The following CADPS variants were observed in gnomAD, a reference collection of about 807,000 sequenced individuals.
CADPS encodes the protein calcium dependent secretion activator, also known as calcium-dependent secretion activator 1.
CADPS carries 57 observed loss-of-function variants against 167.3 expected under a neutral mutation model. That is an observed-to-expected ratio of 0.34 (90% CI 0.28 to 0.42). CADPS has a LOEUF of 0.42. Ranked by LOEUF, CADPS falls within the 20% of genes least tolerant of loss-of-function variation. The pLI is 1.00. For synonymous variants in CADPS, 676 were observed against 635.3 expected (o/e 1.06, Z -0.96); for missense variants, 1,414 against 1,738.1 (o/e 0.81, Z 3.32).
chr3:62,702,737 T>A (rs1258302695), intron 3 of CADPS, among the ~76,000 whole-genome samples: 2 of 152,150 alleles, frequency 1.3e-5, no homozygotes, highest in Non-Finnish European at 2.9e-5. Context: ...TATGGAACAG[T>A]TGAAATGTGG....
chr3:62,585,352 G>C (rs1280751318), intron 7 of CADPS, 28 bp from the exon 8 acceptor site: 2 of 1,590,374 alleles, frequency 1.3e-6, no homozygotes, highest in Non-Finnish European at 8.5e-7. Context: ...CAAGCAACTA[G>C]AAAAGAGAAG....
intron 28 of CADPS, among the ~76,000 whole-genome samples, chr3:62,406,638 A>G (rs1198969578): frequency 6.6e-6 from 1 of 152,210 alleles, no homozygotes; most frequent in Non-Finnish European, 1.5e-5. Flanking sequence ...ATTAATTTGA[A>G]ACTTGCTAAA....
intron 13 of CADPS, among the ~76,000 whole-genome samples, chr3:62,527,630 A>T (rs2072628365): frequency 6.6e-6 from 1 of 152,178 alleles, no homozygotes; most frequent in Non-Finnish European, 1.5e-5. Context: ...TTTCACGGAG[A>T]TGGTGCACAA....
intron 4 of CADPS, among the ~76,000 whole-genome samples, chr3:62,657,679 C>T (rs953359699): frequency 6.6e-6 from 1 of 152,108 alleles, no homozygotes; most frequent in African/African-American, 2.4e-5. Flanking sequence ...ACAGTGAGAC[C>T]ATCTCTGTCT....
intron 9 of CADPS, among the ~76,000 whole-genome samples, chr3:62,569,123 G>A (rs143932065): frequency 2.2e-3 from 337 of 152,148 alleles, no homozygotes; most frequent in Middle Eastern, 0.017. Context: ...TTTTGGAGAC[G>A]GAGTTTTGCT....
chr3:62,814,321 T>G (rs2094515427), intron 1 of CADPS: 1 of 152,140 alleles, frequency 6.6e-6, no homozygotes, highest in African/African-American at 2.4e-5. Context: ...GGTGAAATTT[T>G]CATAATATGT....
chr3:62,734,027 T>C (rs2078480648), intron 3 of CADPS, among the ~76,000 whole-genome samples: 4 of 152,216 alleles, frequency 2.6e-5, no homozygotes, highest in Non-Finnish European at 5.9e-5. Context: ...TTTCTTTATC[T>C]ACTTGTTGGT....
Position 62,827,702 on chromosome 3 carries a change from G to C in CADPS, c.441+46887C>G, listed in dbSNP as rs564546057. Among the ~76,000 whole-genome samples, 3 of 152,270 alleles carry C rather than the reference G, an allele frequency of 2.0e-5. No homozygotes were observed. In the South Asian group the frequency reaches 6.2e-4, roughly 32 times the overall value. Reference sequence around the variant, plus strand: ...GGGGTTTCCAGAGTTGGGAGAACCAGAAGCCCTTAATGAATCAAAACAACC... The same window carrying C: ...GGGGTTTCCAGAGTTGGGAGAACCACAAGCCCTTAATGAATCAAAACAACC... On this transcript the variant is annotated intron_variant, in intron 1 of 29. Coordinates refer to ENST00000383710, the MANE Select transcript of CADPS (RefSeq NM_003716.4).
intron 3 of CADPS, among the ~76,000 whole-genome samples, chr3:62,733,509 C>T (rs1309544267): frequency 1.3e-5 from 2 of 152,160 alleles, no homozygotes; most frequent in African/African-American, 4.8e-5. Context: ...GTACATTTTT[C>T]TCCTGAGGTC....
chr3:62,838,358 G>A lies in CADPS; in HGVS notation c.441+36231C>T, dbSNP rs9848933. 9.6e-3 allele frequency among the ~76,000 whole-genome samples: 1,459 copies of A among 152,310 alleles called. 18 individuals are homozygous for A. Among genetic ancestry groups the A allele is most frequent in the East Asian group, 0.04 (205 of 5,178 alleles). ...TTTAGCAGTCAAAGTCAGGAGGCAG[G>A]AGGGAATGAGTATAAGCCATATGAT... On this transcript the variant is annotated intron_variant, in intron 1 of 29. Coordinates refer to ENST00000383710, the MANE Select transcript of CADPS (RefSeq NM_003716.4).
intron 3 of CADPS, among the ~76,000 whole-genome samples, chr3:62,745,840 G>T (rs2081332299): frequency 6.6e-6 from 1 of 152,210 alleles, no homozygotes; most frequent in African/African-American, 2.4e-5. Context: ...ATTGTGCTAA[G>T]TGTTGGCTGT....
In CADPS at chr3:62,557,469, T is replaced by A; in HGVS notation, c.1689A>T (p.Lys563Asn). ...ATTGTAGAAGTTCCTGAGGCTCCGCTTTCTTCTCCCGATAACTGCACATGG... is the reference window on the plus strand; with the variant it reads ...ATTGTAGAAGTTCCTGAGGCTCCGCATTCTTCTCCCGATAACTGCACATGG... ...TFAMCSYREK[K>N]AEPQELLQLD... is the part of the protein sequence containing the mutation. Residue 563 changes from lysine to asparagine, a missense_variant, in exon 10 of 30, where the codon AAA (lysine) becomes AAT (asparagine). By Grantham distance (94) the Lys-to-Asn change is moderately conservative. Coordinates refer to ENST00000383710, the MANE Select transcript of CADPS (RefSeq NM_003716.4). 2 of 1,614,118 alleles carry A rather than the reference T, an allele frequency of 1.2e-6. No individual in the cohort carries two copies. Among genetic ancestry groups the A allele is most frequent in the Non-Finnish European group, 1.7e-6 (2 of 1,179,990 alleles).
intron 7 of CADPS, among the ~76,000 whole-genome samples, chr3:62,590,436 G>A (rs2085691922): frequency 6.6e-6 from 1 of 152,158 alleles, no homozygotes; most frequent in Non-Finnish European, 1.5e-5. Flanking sequence ...ACAGAAATGA[G>A]TATCGTTTCT....
intron 6 of CADPS, among the ~76,000 whole-genome samples, chr3:62,612,194 A>G (rs2061598064): frequency 6.6e-6 from 1 of 152,248 alleles, no homozygotes. Flanking sequence ...TAACTATGAG[A>G]AGCTACTTAA....
chr3:62,747,797 G>A (rs1056631115), intron 3 of CADPS, among the ~76,000 whole-genome samples: 6 of 152,108 alleles, frequency 3.9e-5, no homozygotes, highest in Non-Finnish European at 8.8e-5. Flanking sequence ...GAGTGTGGAT[G>A]TTATCCCTGC....
At chr3:62,837,013 A>G (rs1400120538) in intron 1 of CADPS, among the ~76,000 whole-genome samples, 2 of 152,142 alleles carry the variant, frequency 1.3e-5, no homozygotes, top group Admixed American at 1.3e-4. Context: ...ACTCTTCCCA[A>G]TGAAGGGAGA....
intron 11 of CADPS, among the ~76,000 whole-genome samples, chr3:62,538,670 T>A (rs1400319345): frequency 6.6e-6 from 1 of 152,194 alleles, no homozygotes; most frequent in African/African-American, 2.4e-5. Context: ...GCTTGGCTAT[T>A]TTATTGCCTT....
intron 3 of CADPS, among the ~76,000 whole-genome samples, chr3:62,709,597 C>T (rs1169350950): frequency 6.6e-6 from 1 of 151,948 alleles, no homozygotes; most frequent in Admixed American, 6.6e-5. Flanking sequence ...ATATGCCCGA[C>T]CTAGCTTATT....
At chr3:62,832,453 C>T (rs990268088) in intron 1 of CADPS, among the ~76,000 whole-genome samples, 3 of 152,154 alleles carry the variant, frequency 2.0e-5, no homozygotes, top group South Asian at 2.1e-4. Context: ...TCTTAGGGAA[C>T]ATTTGTGAGA....
Sources: gnomAD v4.1 joint callset for allele counts (sites outside exome capture counted in the v4.1 genomes callset) on GRCh38, gnomAD v4.1.1 for gene constraint, MANE v1.5 for transcripts, NCBI Gene and HGNC (gene_info 2026-07-23, HGNC 2026-07-21) for gene names.